Variants in CACNA1C observed in about 807,000 individuals in gnomAD.
The protein encoded by CACNA1C is voltage-dependent L-type calcium channel subunit alpha-1C.
CACNA1C carries 30 observed loss-of-function variants against 229.0 expected under a neutral mutation model. The observed-to-expected ratio is 0.13, with a 90% CI of 0.10 to 0.18. CACNA1C has a LOEUF of 0.18. CACNA1C is among the 10% of genes least tolerant of loss of function. The pLI is 1.00. For synonymous variants in CACNA1C, 1,114 were observed against 1,132.5 expected, an observed-to-expected ratio of 0.98 and a Z score of 0.33; for missense variants, 1,658 against 2,845.0, an observed-to-expected ratio of 0.58 and a Z score of 9.49.
At chr12:2,368,016 A>T (rs2097766703) in intron 3 of CACNA1C, among the ~76,000 whole-genome samples, 1 of 152,250 alleles carries the variant, frequency 6.6e-6, no homozygotes. Flanking sequence ...GTTAGGTAAG[A>T]CACAGCCAAT....
intron 1 of CACNA1C, among the ~76,000 whole-genome samples, chr12:2,058,814 T>C (rs1565427995): frequency 6.6e-6 from 1 of 152,016 alleles, no homozygotes; most frequent in Non-Finnish European, 1.5e-5. Context: ...AAAAGCAAAA[T>C]GGAAGGCTGA....
At chr12:1,973,659 T>C (rs1464205313) in intron 1 of CACNA1C, among the ~76,000 whole-genome samples, 1 of 152,192 alleles carries the variant, frequency 6.6e-6, no homozygotes, top group African/African-American at 2.4e-5. Flanking sequence ...ATGGAATCTT[T>C]TTCATCGTAT....
intron 3 of CACNA1C, among the ~76,000 whole-genome samples, chr12:2,448,666 TA>T (rs1386663245): frequency 6.6e-6 from 1 of 152,108 alleles, no homozygotes; most frequent in Admixed American, 6.5e-5. Flanking sequence ...GAGAGCACAA[TA>T]AAATGTCAAC....
At chr12:2,598,067 C>T (rs558760401) in intron 21 of CACNA1C, among the ~76,000 whole-genome samples, 1 of 152,340 alleles carries the variant, frequency 6.6e-6, no homozygotes, top group South Asian at 2.1e-4. Flanking sequence ...GAGCTGGTCT[C>T]CCAGCTGAGG....
chr12:2,342,412 C>T (rs1033809341), intron 3 of CACNA1C, among the ~76,000 whole-genome samples: 2 of 152,172 alleles, frequency 1.3e-5, no homozygotes, highest in East Asian at 3.8e-4. Flanking sequence ...ATTCATTCAT[C>T]CTCTTCCTCA....
intron 18 of CACNA1C, among the ~76,000 whole-genome samples, chr12:2,587,142 A>C (rs191483850): frequency 2.8e-4 from 43 of 152,278 alleles, no homozygotes; most frequent in African/African-American, 9.6e-4. Flanking sequence ...CTGTTTTTAA[A>C]CTGCTGCAGT....
In CACNA1C at chr12:2,053,580, G is replaced by A; in HGVS notation, c.18G>A (p.Thr6=). Residue 6 remains threonine (T), a synonymous_variant, in exon 1 of 47, where the codon ACG becomes ACA. Transcript: ENST00000399655. This position sits in a 1 kb window ranked among gnomAD's most constrained non-coding sequence, Gnocchi z 5.8. Reference sequence around the variant, plus strand: ...TTTGGTCCATGGTCAATGAGAATACGAGGATGTACATTCCAGAGGAAAACC... The same window carrying A: ...TTTGGTCCATGGTCAATGAGAATACAAGGATGTACATTCCAGAGGAAAACC... MVNEN[T]RMYIPEENHQ... 2 of 1,600,938 alleles carry A rather than the reference G, an allele frequency of 1.2e-6. No homozygotes were observed. The highest frequency in any genetic ancestry group is 1.7e-6 in the Non-Finnish European group (2 of 1,173,856).
intron 7 of CACNA1C, among the ~76,000 whole-genome samples, chr12:2,498,932 C>T (rs776352809): frequency 2.0e-5 from 3 of 152,228 alleles, no homozygotes; most frequent in Non-Finnish European, 4.4e-5. Context: ...GCACATGAGT[C>T]CATCTGATTC....
At chr12:2,561,086 C>T (rs1230992967) in intron 11 of CACNA1C, among the ~76,000 whole-genome samples, 2 of 152,120 alleles carry the variant, frequency 1.3e-5, no homozygotes, top group African/African-American at 4.8e-5. Context: ...GCGTAGAGTT[C>T]GTCTCTGCTG....
intron 3 of CACNA1C, among the ~76,000 whole-genome samples, chr12:2,227,530 T>C (rs1029124508): frequency 6.6e-6 from 1 of 152,190 alleles, no homozygotes; most frequent in Non-Finnish European, 1.5e-5. Context: ...TGGTGAATCA[T>C]TATATGTCAG....
chr12:2,086,726 A>T (rs1388690012), intron 1 of CACNA1C, among the ~76,000 whole-genome samples: 1 of 152,156 alleles, frequency 6.6e-6, no homozygotes, highest in Non-Finnish European at 1.5e-5. Flanking sequence ...CAGCTAATGT[A>T]TGGAGAAAGA....
chr12:2,012,356 C>T (rs952178918), intron 1 of CACNA1C, among the ~76,000 whole-genome samples: 4 of 152,138 alleles, frequency 2.6e-5, no homozygotes, highest in Non-Finnish European at 5.9e-5. Context: ...CTCTGCCTGT[C>T]GTGTAAATAA....
chr12:2,584,601 A>C lies in CACNA1C; in HGVS notation c.2323A>C (p.Arg775=). The change falls in exon 16 of 47, where the codon AGA becomes CGA. Residue 775 remains arginine, a synonymous_variant. Coordinates refer to ENST00000399655, the MANE Select transcript of CACNA1C (RefSeq NM_000719.7). ...AAAGGAGGAGGAAGAGGAGAAGGAG[A>C]GAAAGAAGCTGGCCAGGTAACCCTC... ...AQKEEEEEKE[R]KKLARTASPE... 1 of 1,612,386 alleles carries C rather than the reference A, an allele frequency of 6.2e-7. No individual in the cohort carries two copies. The highest frequency in any genetic ancestry group is 8.5e-7 in the Non-Finnish European group (1 of 1,178,828).
At chr12:2,564,999 CATTT>C (rs888768655) in intron 11 of CACNA1C, among the ~76,000 whole-genome samples, 3 of 151,308 alleles carry the variant, frequency 2.0e-5, no homozygotes, top group Non-Finnish European at 4.4e-5. Context: ...ACAGTGCAGC[CATTT>C]ATTAACCATG....
At chr12:2,542,372 A>G (rs1235841518) in intron 9 of CACNA1C, among the ~76,000 whole-genome samples, 1 of 152,196 alleles carries the variant, frequency 6.6e-6, no homozygotes. Context: ...CAATACAGGG[A>G]ACTGTCAAGA....
chr12:2,488,117 C>T lies in CACNA1C; in HGVS notation c.916+1855C>T, dbSNP rs111882799. On this transcript the variant is annotated intron_variant, in intron 6 of 46. Transcript: ENST00000399655. This position sits in a 1 kb window ranked among gnomAD's most constrained non-coding sequence, Gnocchi z 4.0. ...AATTCAGCCATCGAGCCAAAGATGG[C>T]GGCCCTGCTGTGCAATCAGAGGTCT... Among the ~76,000 whole-genome samples the T allele has an allele frequency of 3.9e-4, 59 of 152,320 alleles. No individual in the cohort carries two copies. Among genetic ancestry groups the T allele is most frequent in the African/African-American group, 1.3e-3 (56 of 41,580 alleles).
intron 30 of CACNA1C, among the ~76,000 whole-genome samples, chr12:2,636,889 C>T (rs565562640): frequency 5.9e-5 from 9 of 152,306 alleles, no homozygotes; most frequent in African/African-American, 2.2e-4. Flanking sequence ...TGAGATGCTC[C>T]GGGCTGAGGC....
At chr12:2,534,494 A>G (rs2099848590) in intron 9 of CACNA1C, among the ~76,000 whole-genome samples, 1 of 152,090 alleles carries the variant, frequency 6.6e-6, no homozygotes, top group African/African-American at 2.4e-5. Flanking sequence ...ACAACCAACA[A>G]CTTAACTGTT....
chr12:2,304,183 G>A (rs2094818883), intron 3 of CACNA1C, among the ~76,000 whole-genome samples: 2 of 152,142 alleles, frequency 1.3e-5, no homozygotes, highest in Admixed American at 6.5e-5. Context: ...GTGAACTCTG[G>A]TGGAAAGTGA....
Sources: gnomAD v4.1 joint callset for allele counts (sites outside exome capture counted in the v4.1 genomes callset) on GRCh38, gnomAD v4.1.1 for gene constraint, Gnocchi (gnomAD v3.1) non-coding constraint, MANE v1.5 for transcripts, NCBI Gene and HGNC (gene_info 2026-07-23, HGNC 2026-07-21) for gene names.